ZNF618: variants seen among roughly 807,000 people sequenced by gnomAD.
ZNF618 encodes the protein neural precursor cell expressed, developmentally down-regulated 10.
Under a neutral mutation model 103.0 loss-of-function variants are expected in ZNF618, and 34 were observed. That is an observed-to-expected ratio of 0.33 (90% confidence interval 0.25 to 0.44). The LOEUF (loss-of-function observed/expected upper bound fraction) is 0.44, where lower values mean the gene tolerates loss of function less well. Among genes scored for constraint, ZNF618 ranks in the 20% least tolerant of loss-of-function variants. The pLI is 1.00. For missense variants in ZNF618, 1,059 were observed against 1,295.4 expected (o/e 0.82, Z 2.80); for synonymous variants, 551 against 542.2 (o/e 1.02, Z -0.23).
At chr9:113,945,722 G>C (rs939089028) in intron 1 of ZNF618, among the ~76,000 whole-genome samples, 1 of 152,178 alleles carries the variant, frequency 6.6e-6, no homozygotes, top group Non-Finnish European at 1.5e-5. Context: ...GCCTTGACTG[G>C]CTTTTGGTTG....
At chr9:113,944,192 G>A (rs1834797321) in intron 1 of ZNF618, among the ~76,000 whole-genome samples, 1 of 152,186 alleles carries the variant, frequency 6.6e-6, no homozygotes, top group African/African-American at 2.4e-5. Context: ...GCCTAAACGA[G>A]CCCTTGATGT....
chr9:113,947,402 T>C (rs1835143881), intron 1 of ZNF618, among the ~76,000 whole-genome samples: 1 of 152,036 alleles, frequency 6.6e-6, no homozygotes, highest in South Asian at 2.1e-4. Context: ...TGAGCACATG[T>C]GATGGTGGGA....
intron 10 of ZNF618, among the ~76,000 whole-genome samples, chr9:114,017,475 T>C (rs1176475540): frequency 4.6e-5 from 7 of 152,148 alleles, no homozygotes; most frequent in African/African-American, 1.7e-4. Flanking sequence ...CCCAGCTCCT[T>C]TTCTGGATAT....
intron 1 of ZNF618, among the ~76,000 whole-genome samples, chr9:113,884,705 G>GAC (rs142237899): frequency 3.3e-5 from 5 of 150,558 alleles, no homozygotes; most frequent in East Asian, 2.0e-4. Context: ...CTTCCTTATC[G>GAC]ACACACACAC....
intron 4 of ZNF618, among the ~76,000 whole-genome samples, chr9:114,000,046 A>C (rs1320184333): frequency 1.3e-5 from 2 of 152,100 alleles, no homozygotes; most frequent in East Asian, 1.9e-4. Context: ...ATGCAATCTC[A>C]TCTTTGTCCT....
intron 1 of ZNF618, among the ~76,000 whole-genome samples, chr9:113,948,148 C>T (rs978651430): frequency 1.3e-5 from 2 of 152,176 alleles, no homozygotes; most frequent in African/African-American, 4.8e-5. Context: ...ACATGCAGTG[C>T]GACCTCATAA....
chr9:113,989,925 C>T (rs543386617), intron 3 of ZNF618, among the ~76,000 whole-genome samples: 8 of 152,348 alleles, frequency 5.3e-5, no homozygotes, highest in African/African-American at 1.4e-4. Context: ...AACAGAACAC[C>T]GACCATGTTG....
chr9:114,002,011 G>A lies in ZNF618; in HGVS notation c.449G>A (p.Gly150Glu), dbSNP rs781094784. The change falls in exon 5 of 15, where the codon GGA (glycine) becomes GAA (glutamate). Residue 150 changes from glycine to glutamate, a missense_variant. Gly to Glu is a moderately conservative substitution (Grantham distance 98). Transcript: ENST00000374126. ...TGTTTTCCAGGGTCTTACGAATGCG[G>A]AATCTGTGGCAAGAAGTACAAGTAT... Reference protein sequence around the residue: ...LRYASGSYECGICGKKYKYYN... With the variant: ...LRYASGSYECEICGKKYKYYN... 9.9e-6 allele frequency: 16 copies of A among 1,613,844 alleles called. No homozygotes were observed. The highest frequency in any genetic ancestry group is 3.3e-5 in the Admixed American group (2 of 60,010).
chr9:113,993,091 C>T (rs114975690), intron 3 of ZNF618, among the ~76,000 whole-genome samples: 2,587 of 152,302 alleles, frequency 0.017, 73 homozygotes, highest in African/African-American at 0.058. Flanking sequence ...AGTTAACAGA[C>T]GCCTGCACCC....
intron 1 of ZNF618, among the ~76,000 whole-genome samples, chr9:113,931,669 A>G (rs1833602670): frequency 1.3e-5 from 2 of 152,206 alleles, no homozygotes; most frequent in East Asian, 3.8e-4. Context: ...CCAAATCGAG[A>G]TGTGCTGTAA....
intron 10 of ZNF618, among the ~76,000 whole-genome samples, chr9:114,023,070 A>G (rs1264075153): frequency 6.6e-6 from 1 of 152,040 alleles, no homozygotes; most frequent in Admixed American, 6.6e-5. Flanking sequence ...GCCTTTCTTT[A>G]TCCAGTCTGG....
intron 1 of ZNF618, among the ~76,000 whole-genome samples, chr9:113,951,427 G>GTATACATATATATA (rs1554732831): frequency 1.4e-5 from 1 of 69,940 alleles, no homozygotes; most frequent in African/African-American, 5.5e-5. Flanking sequence ...ATATATGTGT[G>GTATACATATATATA]TGTGTATATA....
intron 12 of ZNF618, among the ~76,000 whole-genome samples, chr9:114,033,238 C>T (rs749974540): frequency 6.6e-6 from 1 of 152,048 alleles, no homozygotes; most frequent in African/African-American, 2.4e-5. Context: ...GGTGAAATCC[C>T]ATCTCTACTA....
chr9:113,910,420 C>A (rs1588013150), intron 1 of ZNF618, among the ~76,000 whole-genome samples: 1 of 152,254 alleles, frequency 6.6e-6, no homozygotes, highest in East Asian at 1.9e-4. Flanking sequence ...GACCTGCAGC[C>A]CAGCATCAGC....
At chr9:114,016,845 G>A (rs370294415) in intron 10 of ZNF618, 61 bp downstream of exon 10, 16 of 1,363,876 alleles carry the variant, frequency 1.2e-5, no homozygotes, top group South Asian at 2.5e-5. Context: ...TGGGCCAGCC[G>A]TTGGCCAGGC....
chr9:113,931,394 G>A (rs1461780111), intron 1 of ZNF618, among the ~76,000 whole-genome samples: 1 of 152,200 alleles, frequency 6.6e-6, no homozygotes, highest in African/African-American at 2.4e-5. Flanking sequence ...GGGACAGCAT[G>A]TGCCCCAGGC....
intron 11 of ZNF618, among the ~76,000 whole-genome samples, chr9:114,029,494 A>G (rs553993586): frequency 1.3e-5 from 2 of 152,150 alleles, no homozygotes; most frequent in South Asian, 4.2e-4. Flanking sequence ...CCCCAACACA[A>G]TGGCCATGTG....
At chr9:113,891,140 G>T (rs1011464842) in intron 1 of ZNF618, among the ~76,000 whole-genome samples, 2 of 152,016 alleles carry the variant, frequency 1.3e-5, no homozygotes, top group Non-Finnish European at 2.9e-5. Flanking sequence ...TGGATTCTTC[G>T]TGTGTATGTG....
chr9:113,935,092 A>G (rs1398407533), intron 1 of ZNF618, among the ~76,000 whole-genome samples: 2 of 152,188 alleles, frequency 1.3e-5, no homozygotes, highest in Non-Finnish European at 2.9e-5. Flanking sequence ...GAGGGACCTC[A>G]GTGGCCTGGC....
Sources: allele counts gnomAD v4.1 joint callset (sites outside exome capture counted in the v4.1 genomes callset), GRCh38; gene constraint gnomAD v4.1.1; transcripts MANE v1.5; gene names NCBI Gene and HGNC (gene_info 2026-07-23, HGNC 2026-07-21).